The following ADAMTSL4 variants were observed in gnomAD, a reference collection of about 807,000 sequenced individuals.
ADAMTSL4 encodes the protein ADAMTS-like protein 4.
Under a neutral mutation model 122.8 loss-of-function variants are expected in ADAMTSL4, and 97 were observed. The observed-to-expected ratio is 0.79, with a 90% CI of 0.67 to 0.93. The LOEUF is 0.93. Among genes scored for constraint, ADAMTSL4 ranks in the 40% least tolerant of loss-of-function variants. ADAMTSL4 has a pLI of 0.00. For synonymous variants in ADAMTSL4, 592 were observed against 568.0 expected, an observed-to-expected ratio of 1.04 and a Z score of -0.60; for missense variants, 1,408 against 1,453.5, an observed-to-expected ratio of 0.97 and a Z score of 0.51.
In ADAMTSL4 at chr1:150,552,496, C is replaced by A. The variant is rs766968899; in HGVS notation, c.21-47C>A. 7 of 1,612,098 alleles carry A rather than the reference C, an allele frequency of 4.3e-6. No individual in the cohort carries two copies. In the South Asian group the frequency reaches 7.7e-5, roughly 18 times the overall value. On this transcript the variant is annotated intron_variant, in intron 3 of 18. Transcript: ENST00000271643. This position sits in a 1 kb window ranked among gnomAD's most constrained non-coding sequence, Gnocchi z 4.0. Reference sequence around the variant, plus strand: ...GGGCGGAGGGCAGTGTTGCAACACCCCCTCTGGCTCCAGTCTGACGTCCCT... The same window carrying A: ...GGGCGGAGGGCAGTGTTGCAACACCACCTCTGGCTCCAGTCTGACGTCCCT...
At position 150,559,719 on chromosome 1, in the gene ADAMTSL4, G is replaced by T. The variant is rs189957289; in HGVS notation, c.2944-42G>T. 1 of 1,613,284 alleles carries T rather than the reference G, an allele frequency of 6.2e-7. No individual in the cohort carries two copies. The highest frequency in any genetic ancestry group is 2.2e-5 in the East Asian group (1 of 44,878). On this transcript the variant is annotated intron_variant, in intron 17 of 18. Coordinates refer to ENST00000271643, the MANE Select transcript of ADAMTSL4 (RefSeq NM_019032.6). This position sits in a 1 kb window ranked among gnomAD's most constrained non-coding sequence, Gnocchi z 4.1. Reference sequence around the variant, plus strand: ...GCAGCCAGGGGTTAAGGAGAATCCCGGGCCTGGCAAAGGTCTGATATGATG... The same window carrying T: ...GCAGCCAGGGGTTAAGGAGAATCCCTGGCCTGGCAAAGGTCTGATATGATG...
rs200531596 is a variant in ADAMTSL4, at chr1:150,558,031, G to C, written c.2264G>C (p.Gly755Ala). ...CAGCTGCAGTGCCGGCAGGAATTTG[G>C]GGGGGGTGGCTCCTCGGTGCCCCCG... ...HRQLQCRQEF[G>A]GGGSSVPPER... is the part of the protein sequence containing the mutation. Residue 755 changes from glycine (G) to alanine (A), a missense_variant, in exon 14 of 19, where the codon GGG becomes GCG. Coordinates refer to ENST00000271643, the MANE Select transcript of ADAMTSL4 (RefSeq NM_019032.6). 7 of 1,612,780 alleles carry C rather than the reference G, an allele frequency of 4.3e-6. No individual in the cohort carries two copies. The highest frequency in any genetic ancestry group is 5.1e-6 in the Non-Finnish European group (6 of 1,179,882).
rs1303795779 is a variant in ADAMTSL4 at position 150,556,917 on chromosome 1, C to A, written c.1750-22C>A. 1 of 1,611,524 alleles carries A rather than the reference C, an allele frequency of 6.2e-7. No individual in the cohort carries two copies. Among genetic ancestry groups the A allele is most frequent in the East Asian group, 2.2e-5 (1 of 44,856 alleles). ...CCTCTTCTGGCCACCCCCACATATTCATTATCTTCTCTTCTCCCCAGATGA... is the reference window on the plus strand; with the variant it reads ...CCTCTTCTGGCCACCCCCACATATTAATTATCTTCTCTTCTCCCCAGATGA... On this transcript the variant is annotated intron_variant, in intron 10 of 18. Coordinates refer to ENST00000271643, the MANE Select transcript of ADAMTSL4 (RefSeq NM_019032.6). The surrounding 1 kb of genome is among the most constrained non-coding windows in gnomAD (Gnocchi z 4.1).
In ADAMTSL4 at chr1:150,560,491, G is replaced by C. The variant is rs114181942; in HGVS notation, c.*295G>C. ...AAAAGAGGTTACACAGACTGAGAAGGACAAGACCTGTTTCCTTGAGACTTT... is the reference window on the plus strand; with the variant it reads ...AAAAGAGGTTACACAGACTGAGAAGCACAAGACCTGTTTCCTTGAGACTTT... On this transcript the variant is annotated 3_prime_UTR_variant, in exon 19 of 19. Coordinates refer to ENST00000271643, the MANE Select transcript of ADAMTSL4 (RefSeq NM_019032.6). 801 of 477,194 alleles carry C rather than the reference G, an allele frequency of 1.7e-3. 7 individuals carry two copies. Among genetic ancestry groups the C allele is most frequent in the Middle Eastern group, 8.7e-3 (15 of 1,732 alleles). The allele number at this position is 477,194 out of a possible 1,614,324, so 29.6% of individuals were successfully genotyped here.
intron 7 of ADAMTSL4, 77 bp from the exon 8 acceptor site, chr1:150,555,352 G>A: frequency 1.9e-6 from 3 of 1,590,300 alleles, no homozygotes; most frequent in Non-Finnish European, 2.6e-6. Flanking sequence ...GCAACCTCAA[G>A]GTGCCCCCTC....
At position 150,557,548 on chromosome 1, in the gene ADAMTSL4, A is replaced by G. The variant is rs777396369; in HGVS notation, c.2102A>G (p.Asp701Gly). ...CISRESGEEL[D>G]ERSCAAGARP... is the part of the protein sequence containing the mutation. ...TCCCGTGAGTCGGGAGAGGAACTGG[A>G]TGAACGCAGCTGTGCCGCGGGTGCC... Residue 701 changes from aspartate (D) to glycine (G), a missense_variant, in exon 13 of 19, where the codon GAT becomes GGT. Coordinates refer to ENST00000271643, the MANE Select transcript of ADAMTSL4 (RefSeq NM_019032.6). The G allele has an allele frequency of 1.2e-6, 2 of 1,611,012 alleles. No homozygotes were observed. Among genetic ancestry groups the G allele is most frequent in the Admixed American group, 3.3e-5 (2 of 59,740 alleles).
chr1:150,553,151 T>C lies in ADAMTSL4; in HGVS notation c.332T>C (p.Leu111Pro). Residue 111 changes from leucine to proline, a missense_variant, in exon 5 of 19, where the codon CTC becomes CCC. Leu to Pro is a moderately conservative substitution (Grantham distance 98). Coordinates refer to ENST00000271643, the MANE Select transcript of ADAMTSL4 (RefSeq NM_019032.6). Reference sequence around the variant, plus strand: ...AGACCCCAGACTTCTCCAGAAACCCTCCCCTTGTACAGGACACAGTCTCGG... The same window carrying C: ...AGACCCCAGACTTCTCCAGAAACCCCCCCCTTGTACAGGACACAGTCTCGG... The part of the protein sequence containing the change: ...GPRPQTSPET[L>P]PLYRTQSRGR... 2.2e-5 allele frequency: 36 copies of C among 1,603,002 alleles called. No homozygotes were observed. Among genetic ancestry groups the C allele is most frequent in the Non-Finnish European group, 3.1e-5 (36 of 1,174,356 alleles).
intron 2 of ADAMTSL4, chr1:150,550,337 T>C: frequency 5.9e-5 from 23 of 388,086 alleles, no homozygotes; most frequent in South Asian, 4.0e-4. Context: ...CCTGCCGGGC[T>C]GCGCAGGGGA....
chr1:150,554,322 A>G lies in ADAMTSL4; in HGVS notation c.1132-43A>G, dbSNP rs1249217441. ...CAGGTTCAGCCCTGCCCCTACCCTC[A>G]TTTTGCTCCCCAGCTCTGACTCCTT... On this transcript the variant is annotated intron_variant, in intron 6 of 18. Coordinates refer to ENST00000271643, the MANE Select transcript of ADAMTSL4 (RefSeq NM_019032.6). This position sits in a 1 kb window ranked among gnomAD's most constrained non-coding sequence, Gnocchi z 4.0. 1 of 1,592,360 alleles carries G rather than the reference A, an allele frequency of 6.3e-7. No homozygotes were observed. The highest frequency in any genetic ancestry group is 1.3e-5 in the African/African-American group (1 of 74,196).
chr1:150,555,807 A>G (rs1395117085), intron 8 of ADAMTSL4: 2 of 631,000 alleles, frequency 3.2e-6, no homozygotes, highest in Non-Finnish European at 5.7e-6. Flanking sequence ...ACGTGCATGA[A>G]CACATGCACA....
At position 150,554,605 on chromosome 1, in the gene ADAMTSL4, C is replaced by A; in HGVS notation, c.1234+138C>A. ...CTGCGCCATGCCTTCTTTCTTCTCC[C>A]TGGGGCTGGGTCAGGAGACAGCACA... On this transcript the variant is annotated intron_variant, in intron 7 of 18. Transcript: ENST00000271643. This position sits in a 1 kb window ranked among gnomAD's most constrained non-coding sequence, Gnocchi z 4.0. 6.5e-7 allele frequency: 1 copy of A among 1,548,522 alleles called. No individual in the cohort carries two copies. The highest frequency in any genetic ancestry group is 1.2e-5 in the South Asian group (1 of 84,270).
chr1:150,559,195 G>T lies in ADAMTSL4; in HGVS notation c.2763+30G>T, dbSNP rs1188905695. ...GCTGAGCGCCTGCTGAGAGCAGGAA[G>T]GGGGTGCCAGTCCCAGTGGGATTCC... On this transcript the variant is annotated intron_variant, in intron 16 of 18. Coordinates refer to ENST00000271643, the MANE Select transcript of ADAMTSL4 (RefSeq NM_019032.6). The surrounding 1 kb of genome is among the most constrained non-coding windows in gnomAD (Gnocchi z 4.1). The T allele has an allele frequency of 6.2e-7, 1 of 1,612,046 alleles. No individual in the cohort carries two copies. Among genetic ancestry groups the T allele is most frequent in the Non-Finnish European group, 8.5e-7 (1 of 1,179,236 alleles).
chr1:150,558,027 T>C lies in ADAMTSL4; in HGVS notation c.2260T>C (p.Phe754Leu), dbSNP rs2101647357. ...CCGCCAGCTGCAGTGCCGGCAGGAATTTGGGGGGGGTGGCTCCTCGGTGCC... is the reference window on the plus strand; with the variant it reads ...CCGCCAGCTGCAGTGCCGGCAGGAACTTGGGGGGGGTGGCTCCTCGGTGCC... ...QHRQLQCRQEFGGGGSSVPPE... is the reference protein window; with the variant it reads ...QHRQLQCRQELGGGGSSVPPE... The change falls in exon 14 of 19, where the codon TTT (phenylalanine) becomes CTT (leucine). Residue 754 changes from phenylalanine (F) to leucine (L), a missense_variant. By Grantham distance (22) the Phe-to-Leu change is conservative. Coordinates refer to ENST00000271643, the MANE Select transcript of ADAMTSL4 (RefSeq NM_019032.6). 1 of 1,612,710 alleles carries C rather than the reference T, an allele frequency of 6.2e-7. No homozygotes were observed. The highest frequency in any genetic ancestry group is 8.5e-7 in the Non-Finnish European group (1 of 1,179,848).
intron 14 of ADAMTSL4, 31 bp from the exon 15 acceptor site, chr1:150,558,442 C>G: frequency 6.2e-7 from 1 of 1,611,904 alleles, no homozygotes; most frequent in East Asian, 2.2e-5. Flanking sequence ...TCTGGGAAGC[C>G]CAGCTCCCTG....
Position 150,554,292 on chromosome 1 carries a change from C to T in ADAMTSL4, c.1132-73C>T. 1.3e-6 allele frequency: 2 copies of T among 1,508,514 alleles called. No homozygotes were observed. Among genetic ancestry groups the T allele is most frequent in the Admixed American group, 1.7e-5 (1 of 59,782 alleles). The allele number at this position is 1,508,514 out of a possible 1,614,324, so 93.4% of individuals were successfully genotyped here. A position where few individuals can be genotyped will look rare whatever the true frequency, so the allele number is the denominator to read the frequency against. On this transcript the variant is annotated intron_variant, in intron 6 of 18. Transcript: ENST00000271643. This position sits in a 1 kb window ranked among gnomAD's most constrained non-coding sequence, Gnocchi z 4.0. ...TCCGCTGACCTGAGCCTCCCACCTGCTCCCCAGGTTCAGCCCTGCCCCTAC... is the reference window on the plus strand; with the variant it reads ...TCCGCTGACCTGAGCCTCCCACCTGTTCCCCAGGTTCAGCCCTGCCCCTAC...
chr1:150,555,813 G>A (rs773722649), intron 8 of ADAMTSL4: 80 of 625,954 alleles, frequency 1.3e-4, no homozygotes, highest in Non-Finnish European at 2.1e-4. Context: ...ATGAACACAT[G>A]CACACACACG....
chr1:150,558,654 G>A lies in ADAMTSL4; in HGVS notation c.2559+5G>A. ...CACAGCGACTGGAGCTCCAAGGTGA[G>A]CCCGGAACCCCCAGCCATATCCTGC... On this transcript the variant is annotated splice_donor_5th_base_variant and intron_variant, in intron 15 of 18. Transcript: ENST00000271643. 6.2e-7 allele frequency: 1 copy of A among 1,613,720 alleles called. No individual in the cohort carries two copies. Among genetic ancestry groups the A allele is most frequent in the East Asian group, 2.2e-5 (1 of 44,876 alleles).
At chr1:150,558,785 A>T (rs1672486453) in intron 15 of ADAMTSL4, 136 bp downstream of exon 15, 5 of 1,554,302 alleles carry the variant, frequency 3.2e-6, no homozygotes, top group Non-Finnish European at 4.3e-6. Flanking sequence ...ACTCAGAGAT[A>T]AGTGAGAACA....
Position 150,552,497 on chromosome 1 carries a change from C to T in ADAMTSL4, c.21-46C>T, listed in dbSNP as rs371110160. 3.1e-6 allele frequency: 5 copies of T among 1,612,970 alleles called. No homozygotes were observed. The South Asian group carries it at 3.3e-5, about 11-fold the overall frequency. On this transcript the variant is annotated intron_variant, in intron 3 of 18. Transcript: ENST00000271643. The surrounding 1 kb of genome is among the most constrained non-coding windows in gnomAD (Gnocchi z 4.0). ...GGCGGAGGGCAGTGTTGCAACACCC[C>T]CTCTGGCTCCAGTCTGACGTCCCTC... is the stretch of plus-strand genomic sequence containing the variant.
Sources: allele counts gnomAD v4.1 joint callset, GRCh38; gene constraint gnomAD v4.1.1; non-coding constraint Gnocchi (gnomAD v3.1); transcripts MANE v1.5; gene names NCBI Gene and HGNC (gene_info 2026-07-23, HGNC 2026-07-21).